Variants in TNN observed in about 807,000 individuals in gnomAD.
The protein encoded by TNN is tenascin N.
Under a neutral mutation model 134.4 loss-of-function variants are expected in TNN, and 122 were observed. The observed-to-expected ratio is 0.91, with a 90% confidence interval of 0.78 to 1.06. The LOEUF (loss-of-function observed/expected upper bound fraction) is 1.06. Among genes scored for constraint, TNN ranks in the 50% least tolerant of loss-of-function variants. TNN has a pLI of 0.00. For missense variants in TNN, 1,739 were observed against 1,699.4 expected (o/e 1.02, Z -0.41); for synonymous variants, 710 against 670.3 (o/e 1.06, Z -0.91).
intron 7 of TNN, among the ~76,000 whole-genome samples, chr1:175,094,496 C>T (rs1187799986): frequency 6.6e-6 from 1 of 152,162 alleles, no homozygotes; most frequent in South Asian, 2.1e-4. Flanking sequence ...ATTCCGTATG[C>T]AACCCCCTCA....
intron 12 of TNN, among the ~76,000 whole-genome samples, chr1:175,125,841 CTTTTTCTTTCTTTCT>C (rs1159052084): frequency 7.3e-4 from 2 of 2,744 alleles, no homozygotes; most frequent in Non-Finnish European, 1.6e-3. Context: ...TTTCTTTTTT[CTTTTTCTTTCTTTCT>C]TTTTTCTTTT....
At chr1:175,140,641 T>C (rs1675922869) in intron 17 of TNN, among the ~76,000 whole-genome samples, 1 of 152,224 alleles carries the variant, frequency 6.6e-6, no homozygotes. Context: ...AATGAGGGGA[T>C]AATTCCTGTT....
chr1:175,100,479 C>T (rs1021632084), intron 9 of TNN, among the ~76,000 whole-genome samples: 1 of 152,244 alleles, frequency 6.6e-6, no homozygotes, highest in Non-Finnish European at 1.5e-5. Context: ...AGTCCCACCT[C>T]ACTGGCTTCT....
chr1:175,111,737 T>A (rs1051833351), intron 9 of TNN, among the ~76,000 whole-genome samples: 2 of 151,814 alleles, frequency 1.3e-5, no homozygotes, highest in Non-Finnish European at 2.9e-5. Flanking sequence ...TTTATGGGTG[T>A]GTTTTTAAAA....
At position 175,117,301 on chromosome 1, in the gene TNN, T is replaced by C. The variant is rs896103394; in HGVS notation, c.2386+96T>C. ...CTTCTCTGACATTGGCAGAAGTCAA[T>C]GATTAATGGAAGAGTGGGATGGCAT... On this transcript the variant is annotated intron_variant, in intron 10 of 18. Transcript: ENST00000239462. The C allele has an allele frequency of 1.2e-5, 19 of 1,577,776 alleles. No homozygotes were observed. In the African/African-American group the frequency reaches 1.9e-4, roughly 16 times the overall value.
chr1:175,136,073 C>T (rs1374406523), intron 16 of TNN, 132 bp downstream of exon 16: 16 of 662,792 alleles, frequency 2.4e-5, no homozygotes, highest in Admixed American at 1.2e-4. Flanking sequence ...AGGACTGTGC[C>T]GAGCAGGGTG....
intron 12 of TNN, among the ~76,000 whole-genome samples, chr1:175,126,034 T>A (rs1558369651): frequency 6.6e-6 from 1 of 150,632 alleles, no homozygotes; most frequent in Non-Finnish European, 1.5e-5. Flanking sequence ...CTTTCTCTAC[T>A]GGGTATGCAT....
chr1:175,127,196 G>A (rs1321053242), intron 13 of TNN, 111 bp downstream of exon 13: 11 of 1,348,990 alleles, frequency 8.2e-6, no homozygotes, highest in African/African-American at 2.9e-5. Flanking sequence ...GATCTTTACT[G>A]ATCACATTGC....
intron 18 of TNN, among the ~76,000 whole-genome samples, chr1:175,146,196 T>C (rs1366402864): frequency 6.6e-6 from 1 of 152,166 alleles, no homozygotes; most frequent in Non-Finnish European, 1.5e-5. Context: ...AAGCCAGGGA[T>C]AGGAGATCAA....
chr1:175,072,766 A>G (rs1160622447), intron 1 of TNN, among the ~76,000 whole-genome samples: 2 of 152,238 alleles, frequency 1.3e-5, no homozygotes, highest in East Asian at 3.9e-4. Context: ...TCTGAGAGGC[A>G]GTAATTAATG....
chr1:175,108,588 C>A (rs1674927455), intron 9 of TNN, among the ~76,000 whole-genome samples: 1 of 152,256 alleles, frequency 6.6e-6, no homozygotes, highest in Non-Finnish European at 1.5e-5. Context: ...GGCTGCAGGT[C>A]TCGAGCCCTG....
chr1:175,084,493 G>A (rs1457619071), intron 5 of TNN, among the ~76,000 whole-genome samples: 1 of 152,214 alleles, frequency 6.6e-6, no homozygotes, highest in African/African-American at 2.4e-5. Flanking sequence ...GATGGATCAA[G>A]TTTGGCAGTG....
intron 9 of TNN, among the ~76,000 whole-genome samples, chr1:175,108,577 G>A (rs138195241): frequency 0.035 from 5,272 of 152,354 alleles, 104 homozygotes; most frequent in Middle Eastern, 0.061. Context: ...TAGGCATGGC[G>A]GGCTGCAGGT....
intron 15 of TNN, among the ~76,000 whole-genome samples, chr1:175,135,447 G>T (rs1012629314): frequency 2.0e-5 from 3 of 152,140 alleles, no homozygotes; most frequent in Non-Finnish European, 4.4e-5. Context: ...TTTCAGAAAA[G>T]GGGAAAAAAG....
chr1:175,128,332 G>A (rs757021927), intron 14 of TNN, among the ~76,000 whole-genome samples, 168 bp downstream of exon 14: 3 of 152,180 alleles, frequency 2.0e-5, no homozygotes, highest in Non-Finnish European at 2.9e-5. Flanking sequence ...CCCACAGTGG[G>A]GAGGCTAAAG....
rs1253290729 is a variant in TNN at position 175,147,106 on chromosome 1, C to T, written c.*35C>T. On this transcript the variant is annotated 3_prime_UTR_variant, in exon 19 of 19. Transcript: ENST00000239462. The stretch of plus-strand genomic sequence containing the variant: ...TGAGCAGTCCTCGCAGGAGACACCA[C>T]CAGCTGTGGCAGCTTGGGGCGGGGT... 1 of 1,498,212 alleles carries T rather than the reference C, an allele frequency of 6.7e-7. No homozygotes were observed. The highest frequency in any genetic ancestry group is 9.0e-7 in the Non-Finnish European group (1 of 1,114,248). The allele number at this position is 1,498,212 out of a possible 1,614,324, so 92.8% of individuals were successfully genotyped here.
chr1:175,131,797 C>T (rs149411195), intron 15 of TNN, among the ~76,000 whole-genome samples: 18 of 152,160 alleles, frequency 1.2e-4, no homozygotes, highest in African/African-American at 4.3e-4. Context: ...AAAAGTGAGG[C>T]TTGTCAAGGT....
In TNN at chr1:175,097,632, G is replaced by A. The variant is rs202153945; in HGVS notation, c.1804G>A (p.Ala602Thr). Residue 602 changes from alanine to threonine, a missense_variant, in exon 8 of 19, where the codon GCC becomes ACC. By Grantham distance (58) the Ala-to-Thr change is moderately conservative. Transcript: ENST00000239462. ...TGTGGAGTACACAGTGCATGTCTGG[G>A]CCCAGAAGGGGGACCGAGAGAGCAA... Reference protein sequence around the residue: ...PGVEYTVHVWAQKGDRESKKA... With the variant: ...PGVEYTVHVWTQKGDRESKKA... 1.2e-6 allele frequency: 2 copies of A among 1,614,224 alleles called. No individual in the cohort carries two copies. The highest frequency in any genetic ancestry group is 1.7e-6 in the Non-Finnish European group (2 of 1,180,048).
In TNN at chr1:175,139,917, T is replaced by C. The variant is rs185375785; in HGVS notation, c.3595+2929T>C. ...AGTCCCTTGTTAACTGAAATGTTCTTATGCAGGGCATGACTGTATAAAACA... is the reference window on the plus strand; with the variant it reads ...AGTCCCTTGTTAACTGAAATGTTCTCATGCAGGGCATGACTGTATAAAACA... On this transcript the variant is annotated intron_variant, in intron 17 of 18. Transcript: ENST00000239462. 2.0e-3 allele frequency among the ~76,000 whole-genome samples: 303 copies of C among 152,360 alleles called. 3 individuals carry two copies. Among genetic ancestry groups the C allele is most frequent in the African/African-American group, 7.0e-3 (292 of 41,596 alleles).
Sources: gnomAD v4.1 joint callset for allele counts (sites outside exome capture counted in the v4.1 genomes callset) on GRCh38, gnomAD v4.1.1 for gene constraint, MANE v1.5 for transcripts, NCBI Gene and HGNC (gene_info 2026-07-23, HGNC 2026-07-21) for gene names.